The following MSRA variants were observed in gnomAD, a reference collection of about 807,000 sequenced individuals.
MSRA encodes the protein mitochondrial peptide methionine sulfoxide reductase.
In MSRA, 54 loss-of-function variants were observed where a neutral mutation model predicts 31.3. That is an observed-to-expected ratio of 1.73 (90% CI 1.39 to 2.17). MSRA has a LOEUF of 2.17. Among genes scored for constraint, MSRA ranks in the 30% most tolerant of loss-of-function variants. The probability of loss-of-function intolerance (pLI) is 0.00; values close to 1 mark genes in which losing one functional copy is unlikely to be tolerated. For synonymous variants in MSRA, 169 were observed against 116.5 expected (o/e 1.45, Z -2.90); for missense variants, 507 against 300.9 (o/e 1.69, Z -5.07).
At chr8:10,097,049 G>A (rs1285736446) in intron 1 of MSRA, among the ~76,000 whole-genome samples, 1 of 151,962 alleles carries the variant, frequency 6.6e-6, no homozygotes, top group Non-Finnish European at 1.5e-5. Flanking sequence ...TTAATCCTTC[G>A]ACAATAAAAA....
intron 3 of MSRA, among the ~76,000 whole-genome samples, chr8:10,268,568 A>G (rs1481936430): frequency 6.6e-6 from 1 of 152,250 alleles, no homozygotes; most frequent in African/African-American, 2.4e-5. Flanking sequence ...AGCGCCTAGC[A>G]CATAGTAAGA....
chr8:10,136,867 C>T (rs943016385), intron 1 of MSRA, among the ~76,000 whole-genome samples: 2 of 152,332 alleles, frequency 1.3e-5, no homozygotes, highest in African/African-American at 4.8e-5. Context: ...CTTGTGTCTT[C>T]TTCTCTCCAC....
chr8:10,195,315 A>G (rs539954526), intron 1 of MSRA, among the ~76,000 whole-genome samples: 1 of 152,210 alleles, frequency 6.6e-6, no homozygotes, highest in East Asian at 1.9e-4. Flanking sequence ...ATCTCGGCTC[A>G]TTGCAATCTC....
chr8:10,307,051 C>A (rs183356669), intron 4 of MSRA, among the ~76,000 whole-genome samples: 150 of 152,270 alleles, frequency 9.9e-4, no homozygotes, highest in African/African-American at 3.5e-3. Flanking sequence ...CATAATCTTG[C>A]TTAATGTTAG....
intron 5 of MSRA, among the ~76,000 whole-genome samples, chr8:10,387,666 C>G (rs560097832): frequency 6.6e-6 from 1 of 152,288 alleles, no homozygotes; most frequent in African/African-American, 2.4e-5. Context: ...CAGATAAAGT[C>G]TCCCAAGTAA....
chr8:10,124,403 C>G (rs1009795047), intron 1 of MSRA, among the ~76,000 whole-genome samples: 5 of 152,246 alleles, frequency 3.3e-5, no homozygotes, highest in African/African-American at 1.2e-4. Flanking sequence ...AAACCAGACC[C>G]GTTTTTCTGT....
intron 5 of MSRA, among the ~76,000 whole-genome samples, chr8:10,348,611 G>A (rs142716702): frequency 3.8e-3 from 580 of 152,018 alleles, no homozygotes; most frequent in Non-Finnish European, 6.0e-3. Context: ...CTCGTGATCC[G>A]CCTGCCTCGG....
rs548791416 is a variant in MSRA, at chr8:10,392,957, C to T, written c.544-35191C>T. Reference sequence around the variant, plus strand: ...GGCGCCTATAGTCCCAGCTACTCGGCAGGCTGAGGCAGGAGAATGGCATGA... The same window carrying T: ...GGCGCCTATAGTCCCAGCTACTCGGTAGGCTGAGGCAGGAGAATGGCATGA... On this transcript the variant is annotated intron_variant, in intron 5 of 5. Transcript: ENST00000317173. Among the ~76,000 whole-genome samples, 17 of 145,458 alleles carry T rather than the reference C, an allele frequency of 1.2e-4. No homozygotes were observed. In the South Asian group the frequency reaches 3.7e-3, roughly 31 times the overall value.
chr8:10,055,275 GACA>G (rs1347183286), intron 1 of MSRA, among the ~76,000 whole-genome samples: 1 of 152,222 alleles, frequency 6.6e-6, no homozygotes, highest in Non-Finnish European at 1.5e-5. Flanking sequence ...CACAAACTTG[GACA>G]ACTTTCTAGT....
At chr8:10,319,607 T>C (rs932568876) in intron 4 of MSRA, among the ~76,000 whole-genome samples, 1 of 151,670 alleles carries the variant, frequency 6.6e-6, no homozygotes, top group Non-Finnish European at 1.5e-5. Flanking sequence ...TGTAAAAGTA[T>C]GTATTCATAG....
intron 1 of MSRA, among the ~76,000 whole-genome samples, chr8:10,109,531 A>T (rs1800130101): frequency 6.6e-6 from 1 of 151,942 alleles, no homozygotes; most frequent in Admixed American, 6.6e-5. Context: ...TTTGGTAGAG[A>T]CGGTTTTACC....
intron 1 of MSRA, among the ~76,000 whole-genome samples, chr8:10,059,605 C>G (rs990677620): frequency 6.6e-6 from 1 of 152,114 alleles, no homozygotes; most frequent in African/African-American, 2.4e-5. Flanking sequence ...AAACGTAAGA[C>G]TGATAAATTA....
intron 1 of MSRA, among the ~76,000 whole-genome samples, chr8:10,098,682 A>G (rs1799335080): frequency 6.6e-6 from 1 of 152,232 alleles, no homozygotes; most frequent in African/African-American, 2.4e-5. Context: ...TCAGGAGATT[A>G]GTTGTATTAC....
intron 3 of MSRA, among the ~76,000 whole-genome samples, chr8:10,288,143 A>G (rs1450756685): frequency 6.6e-6 from 1 of 152,160 alleles, no homozygotes; most frequent in Non-Finnish European, 1.5e-5. Context: ...GATTGTACTG[A>G]TATTTGATTG....
chr8:10,291,293 G>C (rs539838543), intron 3 of MSRA, among the ~76,000 whole-genome samples: 1 of 151,868 alleles, frequency 6.6e-6, no homozygotes, highest in East Asian at 1.9e-4. Flanking sequence ...TCCCCATGGC[G>C]GGCCAACAAC....
chr8:10,079,657 C>A (rs1402846066), intron 1 of MSRA, among the ~76,000 whole-genome samples: 1 of 152,112 alleles, frequency 6.6e-6, no homozygotes, highest in Non-Finnish European at 1.5e-5. Context: ...TAAGGAAAAC[C>A]TTTCTTAGTC....
intron 5 of MSRA, among the ~76,000 whole-genome samples, chr8:10,378,852 A>G (rs945404412): frequency 6.6e-6 from 1 of 152,190 alleles, no homozygotes; most frequent in Non-Finnish European, 1.5e-5. Flanking sequence ...CATCAGACTA[A>G]CCACGTGTGT....
chr8:10,307,879 TC>T (rs1262699331), intron 4 of MSRA, among the ~76,000 whole-genome samples: 7 of 152,184 alleles, frequency 4.6e-5, no homozygotes, highest in Admixed American at 3.9e-4. Flanking sequence ...AAAGACAAAA[TC>T]CCTGAGACAC....
chr8:10,220,594 A>G (rs932746333), intron 2 of MSRA, among the ~76,000 whole-genome samples: 3 of 152,060 alleles, frequency 2.0e-5, no homozygotes, highest in African/African-American at 7.2e-5. Context: ...TTTGAATCGC[A>G]TTCATGTTTT....
Sources: allele counts gnomAD v4.1 joint callset (sites outside exome capture counted in the v4.1 genomes callset), GRCh38; gene constraint gnomAD v4.1.1; transcripts MANE v1.5; gene names NCBI Gene and HGNC (gene_info 2026-07-23, HGNC 2026-07-21).